Variants in C1orf94 observed in about 807,000 individuals in gnomAD.
The protein encoded by C1orf94 is chromosome 1 open reading frame 94.
In C1orf94, 45 loss-of-function variants were observed where a neutral mutation model predicts 53.6. That is an observed-to-expected ratio of 0.84 (90% CI 0.66 to 1.08). The LOEUF is 1.08. Ranked by LOEUF, C1orf94 falls within the 50% of genes least tolerant of loss-of-function variation. The pLI is 0.00. For missense variants in C1orf94, 762 were observed against 738.9 expected, an observed-to-expected ratio of 1.03 and a Z score of -0.36; for synonymous variants, 304 against 296.1, an observed-to-expected ratio of 1.03 and a Z score of -0.27.
At chr1:34,192,234 G>C (rs1371955116) in intron 1 of C1orf94, among the ~76,000 whole-genome samples, 2 of 152,128 alleles carry the variant, frequency 1.3e-5, no homozygotes, top group Non-Finnish European at 2.9e-5. Context: ...AAAGTGGTCG[G>C]GTGCCCACAA....
chr1:34,181,683 C>T (rs960837132), intron 1 of C1orf94, among the ~76,000 whole-genome samples: 34 of 152,068 alleles, frequency 2.2e-4, no homozygotes, highest in African/African-American at 7.5e-4. Flanking sequence ...ATGGTATTCC[C>T]AGTGGAGGAG....
chr1:34,191,895 A>G (rs1642499118), intron 1 of C1orf94, among the ~76,000 whole-genome samples: 1 of 152,148 alleles, frequency 6.6e-6, no homozygotes, highest in South Asian at 2.1e-4. Context: ...GACTCTGTAT[A>G]CCACAAATGC....
At chr1:34,168,039 AG>A (rs896522227) in intron 1 of C1orf94, among the ~76,000 whole-genome samples, 3 of 152,208 alleles carry the variant, frequency 2.0e-5, no homozygotes, top group Non-Finnish European at 4.4e-5. Context: ...TTACTAATTA[AG>A]GATGCTACAA....
intron 1 of C1orf94, among the ~76,000 whole-genome samples, chr1:34,187,516 G>A (rs934487868): frequency 1.3e-5 from 2 of 151,916 alleles, no homozygotes; most frequent in Non-Finnish European, 2.9e-5. Flanking sequence ...TGGGCCACCA[G>A]TGGTTTGGTT....
At position 34,197,128 on chromosome 1, in the gene C1orf94, T is replaced by G; in HGVS notation, c.321-97T>G. 1 of 1,100,808 alleles carries G rather than the reference T, an allele frequency of 9.1e-7. No individual in the cohort carries two copies. The highest frequency in any genetic ancestry group is 1.7e-5 in the South Asian group (1 of 59,438). 68.2% of individuals were successfully genotyped at this position (1,100,808 alleles called of 1,614,324 possible). On this transcript the variant is annotated intron_variant, in intron 1 of 6. Coordinates refer to ENST00000488417, the MANE Select transcript of C1orf94 (RefSeq NM_001134734.2). The surrounding 1 kb of genome is among the most constrained non-coding windows in gnomAD (Gnocchi z 4.1). ...CTGGAAGTGTGTTTTTGTCATGTTA[T>G]GCATCCATCTCCCTTTTCTGGGGCC...
rs142483008 is a variant in C1orf94 at position 34,215,405 on chromosome 1, G to A, written c.1721+2999G>A. On this transcript the variant is annotated intron_variant, in intron 6 of 6. Coordinates refer to ENST00000488417, the MANE Select transcript of C1orf94 (RefSeq NM_001134734.2). ...ACCATGTAGGCTTTTAAATTGATGA[G>A]GACATGTTCTAATCTTCTATATAAA... Among the ~76,000 whole-genome samples the A allele has an allele frequency of 2.3e-3, 354 of 152,316 alleles. 1 individual carries two copies. The highest frequency in any genetic ancestry group is 7.2e-3 in the African/African-American group (298 of 41,566).
At chr1:34,173,027 G>T (rs1225238366), upstream of C1orf94, among the ~76,000 whole-genome samples, 3 of 152,190 alleles carry the variant, frequency 2.0e-5, no homozygotes, top group East Asian at 5.8e-4. Context: ...ACAATACAAA[G>T]AAGAAAACTG....
chr1:34,193,112 T>C (rs1227527586), intron 1 of C1orf94, among the ~76,000 whole-genome samples: 2 of 152,122 alleles, frequency 1.3e-5, no homozygotes, highest in African/African-American at 4.8e-5. Flanking sequence ...AAGGAGACCC[T>C]GAATCAGGGA....
At chr1:34,173,677 G>T (rs1417618643), upstream of C1orf94, among the ~76,000 whole-genome samples, 1 of 152,162 alleles carries the variant, frequency 6.6e-6, no homozygotes, top group Non-Finnish European at 1.5e-5. Flanking sequence ...AGTCTATGAG[G>T]TCAGTATTTT....
rs527771251 is a variant in C1orf94, at chr1:34,187,482, G to A, written c.320+9373G>A. ...ATTTTATGGTTTCGGGAGCTGTGTCGCAGGTTGTGGGAGCCTGCAGAGATG... is the reference window on the plus strand; with the variant it reads ...ATTTTATGGTTTCGGGAGCTGTGTCACAGGTTGTGGGAGCCTGCAGAGATG... On this transcript the variant is annotated intron_variant, in intron 1 of 6. Coordinates refer to ENST00000488417, the MANE Select transcript of C1orf94 (RefSeq NM_001134734.2). Among the ~76,000 whole-genome samples, 148 of 152,030 alleles carry A rather than the reference G, an allele frequency of 9.7e-4. 3 individuals are homozygous for A. In the Middle Eastern group the frequency reaches 0.01, roughly 10 times the overall value.
At chr1:34,213,826 C>T (rs1202054988) in intron 6 of C1orf94, among the ~76,000 whole-genome samples, 3 of 152,148 alleles carry the variant, frequency 2.0e-5, no homozygotes, top group Non-Finnish European at 4.4e-5. Flanking sequence ...CAGCCATGAG[C>T]CACCGTGCCC....
intron 5 of C1orf94, 49 bp downstream of exon 5, chr1:34,208,283 G>A: frequency 6.4e-7 from 1 of 1,565,688 alleles, no homozygotes; most frequent in Non-Finnish European, 8.7e-7. Flanking sequence ...GAAGGCCTTT[G>A]GGTCAGAGGG....
At chr1:34,176,827 C>A (rs1217094200), upstream of C1orf94, among the ~76,000 whole-genome samples, 1 of 152,192 alleles carries the variant, frequency 6.6e-6, no homozygotes, top group Non-Finnish European at 1.5e-5. Flanking sequence ...TTCTGATCCC[C>A]CGAAGCGCTC....
At chr1:34,173,148 T>C (rs1008902934), upstream of C1orf94, among the ~76,000 whole-genome samples, 2 of 152,228 alleles carry the variant, frequency 1.3e-5, no homozygotes, top group African/African-American at 4.8e-5. Flanking sequence ...TGGTAACAAT[T>C]TGTAGGTTGG....
intron 1 of C1orf94, among the ~76,000 whole-genome samples, chr1:34,167,571 G>A (rs1321945568): frequency 6.6e-6 from 1 of 151,534 alleles, no homozygotes; most frequent in Non-Finnish European, 1.5e-5. Flanking sequence ...CGCCATTCCT[G>A]CTCTCTGATC....
At position 34,200,763 on chromosome 1, in the gene C1orf94, C is replaced by T; in HGVS notation, c.1010-9C>T. 1 of 1,613,892 alleles carries T rather than the reference C, an allele frequency of 6.2e-7. No individual in the cohort carries two copies. Among genetic ancestry groups the T allele is most frequent in the Non-Finnish European group, 8.5e-7 (1 of 1,179,884 alleles). ...CAGAGGCATTGACTCAGTTTCTTTC[C>T]TGCTACAGAATGGAGCCCTGGCACC... On this transcript the variant is annotated splice_polypyrimidine_tract_variant and intron_variant, in intron 2 of 6. Coordinates refer to ENST00000488417, the MANE Select transcript of C1orf94 (RefSeq NM_001134734.2).
chr1:34,203,815 G>A (rs74063792), intron 4 of C1orf94, among the ~76,000 whole-genome samples: 3,676 of 152,258 alleles, frequency 0.024, 133 homozygotes, highest in African/African-American at 0.082. Flanking sequence ...AAGAGCTGCC[G>A]CCCACTGGGT....
intron 4 of C1orf94, among the ~76,000 whole-genome samples, chr1:34,207,262 G>GGTGTGTGTGTGTGTGTGT: frequency 6.8e-6 from 1 of 147,452 alleles, no homozygotes; most frequent in African/African-American, 2.5e-5. Context: ...AGTTCTGCGG[G>GGTGTGTGTGTGTGTGTGT]GTGTGTGTGT....
chr1:34,188,519 G>A (rs925543142), intron 1 of C1orf94, among the ~76,000 whole-genome samples: 8 of 152,142 alleles, frequency 5.3e-5, no homozygotes, highest in Non-Finnish European at 7.4e-5. Context: ...CGAGGTCTCC[G>A]TGATTCCCCT....
Sources: allele counts gnomAD v4.1 joint callset (sites outside exome capture counted in the v4.1 genomes callset), GRCh38; gene constraint gnomAD v4.1.1; non-coding constraint Gnocchi (gnomAD v3.1); transcripts MANE v1.5; gene names NCBI Gene and HGNC (gene_info 2026-07-23, HGNC 2026-07-21).